The following SPTLC3 variants were observed in gnomAD, a reference collection of about 807,000 sequenced individuals.
SPTLC3 encodes serine palmitoyltransferase long chain base subunit 3.
SPTLC3 carries 36 observed loss-of-function variants against 59.3 expected under a neutral mutation model. The ratio of observed to expected loss-of-function variants is 0.61; its 90% CI spans 0.47 to 0.80. The LOEUF (loss-of-function observed/expected upper bound fraction) is 0.80, where lower values mean the gene tolerates loss of function less well. Among genes scored for constraint, SPTLC3 ranks in the 30% least tolerant of loss-of-function variants. SPTLC3 has a pLI of 0.00. For synonymous variants in SPTLC3, 257 were observed against 240.8 expected (o/e 1.07, Z -0.62); for missense variants, 625 against 685.1 (o/e 0.91, Z 0.98).
At chr20:13,153,788 C>G (rs1265694930) in intron 9 of SPTLC3, among the ~76,000 whole-genome samples, 1 of 152,186 alleles carries the variant, frequency 6.6e-6, no homozygotes, top group Non-Finnish European at 1.5e-5. Context: ...CCTCGTAGAA[C>G]CCTCCACCTC....
intron 1 of SPTLC3, among the ~76,000 whole-genome samples, chr20:13,036,321 C>T (rs1986733652): frequency 6.6e-6 from 1 of 151,794 alleles, no homozygotes; most frequent in Admixed American, 6.6e-5. Context: ...TCATCTCTGC[C>T]ACCCCTGAGA....
intron 4 of SPTLC3, among the ~76,000 whole-genome samples, chr20:13,085,777 T>C (rs1222941413): frequency 6.6e-6 from 1 of 152,200 alleles, no homozygotes; most frequent in Admixed American, 6.5e-5. Flanking sequence ...ATATTGGTAC[T>C]TTATCTTGAA....
chr20:13,079,596 T>C (rs886494045), intron 4 of SPTLC3, among the ~76,000 whole-genome samples: 3 of 152,244 alleles, frequency 2.0e-5, no homozygotes, highest in Non-Finnish European at 4.4e-5. Flanking sequence ...AATTCAAATA[T>C]GAAATGCACT....
chr20:13,035,227 G>A (rs572671885), intron 1 of SPTLC3, among the ~76,000 whole-genome samples: 1 of 152,268 alleles, frequency 6.6e-6, no homozygotes, highest in South Asian at 2.1e-4. Flanking sequence ...TTGGTTTAGT[G>A]TTGAACTGGT....
intron 6 of SPTLC3, among the ~76,000 whole-genome samples, chr20:13,093,973 A>G (rs1989322248): frequency 6.6e-6 from 1 of 152,188 alleles, no homozygotes; most frequent in Admixed American, 6.5e-5. Context: ...GTTCCTTAGA[A>G]GAATGCCTCC....
At chr20:13,057,821 CTAGA>C (rs1346268904) in intron 2 of SPTLC3, among the ~76,000 whole-genome samples, 2 of 152,108 alleles carry the variant, frequency 1.3e-5, no homozygotes, top group Non-Finnish European at 2.9e-5. Flanking sequence ...TCAAAAGTCC[CTAGA>C]TAATTTATTT....
chr20:13,076,764 A>C (rs1175364494), intron 4 of SPTLC3, among the ~76,000 whole-genome samples: 1 of 152,176 alleles, frequency 6.6e-6, no homozygotes, highest in Non-Finnish European at 1.5e-5. Context: ...AAATAGAAAG[A>C]TAGGTCCCAC....
intron 1 of SPTLC3, among the ~76,000 whole-genome samples, chr20:13,041,937 A>G (rs1474388648): frequency 6.6e-6 from 1 of 152,194 alleles, no homozygotes; most frequent in Non-Finnish European, 1.5e-5. Context: ...ATCATTCTGT[A>G]AAGCTATCTT....
intron 8 of SPTLC3, among the ~76,000 whole-genome samples, chr20:13,118,847 C>T (rs535214205): frequency 5.9e-5 from 9 of 152,360 alleles, no homozygotes; most frequent in African/African-American, 2.2e-4. Context: ...TTTAAAACAA[C>T]AGATTTAATT....
intron 4 of SPTLC3, among the ~76,000 whole-genome samples, chr20:13,083,995 G>A (rs186500492): frequency 4.6e-5 from 7 of 152,108 alleles, no homozygotes; most frequent in African/African-American, 1.2e-4. Context: ...AACTTGCAAC[G>A]GTCCCCAGGC....
At chr20:13,070,760 G>A (rs553322941) in intron 2 of SPTLC3, among the ~76,000 whole-genome samples, 29 of 152,152 alleles carry the variant, frequency 1.9e-4, no homozygotes, top group Non-Finnish European at 3.7e-4. Flanking sequence ...GGTCAGAGAG[G>A]TAACCAGAAG....
chr20:13,043,312 C>T (rs1987075700), intron 1 of SPTLC3, among the ~76,000 whole-genome samples: 1 of 152,186 alleles, frequency 6.6e-6, no homozygotes, highest in South Asian at 2.1e-4. Flanking sequence ...TGTAGATCAA[C>T]TAAGGCCTGA....
intron 7 of SPTLC3, among the ~76,000 whole-genome samples, chr20:13,116,098 A>C (rs1465984695): frequency 6.6e-6 from 1 of 152,214 alleles, no homozygotes; most frequent in Non-Finnish European, 1.5e-5. Context: ...CTCGTGGAAC[A>C]CACAAATGCT....
chr20:13,045,030 C>T (rs1043158006), intron 1 of SPTLC3, among the ~76,000 whole-genome samples: 1 of 134,930 alleles, frequency 7.4e-6, no homozygotes, highest in African/African-American at 2.6e-5. Context: ...CACACACACA[C>T]ACACACCCTA....
At chr20:13,164,532 G>C in intron 11 of SPTLC3, 1 of 576,340 alleles carries the variant, frequency 1.7e-6, no homozygotes, top group Non-Finnish European at 3.2e-6. Flanking sequence ...AACATTCATA[G>C]TATGGAGTTA....
At chr20:13,085,378 G>C (rs1018415320) in intron 4 of SPTLC3, among the ~76,000 whole-genome samples, 1 of 152,114 alleles carries the variant, frequency 6.6e-6, no homozygotes, top group African/African-American at 2.4e-5. Context: ...TCTTTAAGCA[G>C]AATGTGAATG....
intron 3 of SPTLC3, chr20:13,073,940 G>T (rs1988542637): frequency 1.2e-5 from 7 of 585,068 alleles, no homozygotes; most frequent in South Asian, 7.2e-5. Context: ...ATCCAGGGAG[G>T]TGTGGCACCT....
At chr20:13,062,815 T>G (rs1988025175) in intron 2 of SPTLC3, among the ~76,000 whole-genome samples, 1 of 152,220 alleles carries the variant, frequency 6.6e-6, no homozygotes, top group Non-Finnish European at 1.5e-5. Context: ...TTTTAATAGC[T>G]GCACGATATT....
chr20:13,052,580 A>C (rs1255364756), intron 2 of SPTLC3, among the ~76,000 whole-genome samples: 1 of 152,128 alleles, frequency 6.6e-6, no homozygotes. Flanking sequence ...AAGCCAGGGA[A>C]CCAAGTGGTC....
Sources: allele counts gnomAD v4.1 joint callset (sites outside exome capture counted in the v4.1 genomes callset), GRCh38; gene constraint gnomAD v4.1.1; transcripts MANE v1.5; gene names NCBI Gene and HGNC (gene_info 2026-07-23, HGNC 2026-07-21).